The following HDAC4 variants were observed in gnomAD, a reference collection of about 807,000 sequenced individuals.
HDAC4 encodes the protein histone deacetylase 4, also known as histone deacetylase A.
HDAC4 carries 16 observed loss-of-function variants against 135.1 expected under a neutral mutation model. That is an observed-to-expected ratio of 0.12 (90% CI 0.08 to 0.18). The LOEUF (loss-of-function observed/expected upper bound fraction) is 0.18, where lower values mean the gene tolerates loss of function less well. Ranked by LOEUF, HDAC4 falls within the 10% of genes least tolerant of loss-of-function variation. The pLI is 1.00. For missense variants in HDAC4, 1,143 were observed against 1,511.8 expected (o/e 0.76, Z 4.05); for synonymous variants, 685 against 653.4 (o/e 1.05, Z -0.74).
rs1165718137 is a variant in HDAC4 at position 239,204,041 on chromosome 2, G to A, written c.95-13964C>T. On this transcript the variant is annotated intron_variant, in intron 3 of 26. Transcript: ENST00000543185. ...CTCTCTCTTCCAAGGGAAATAAAAA[G>A]CTCTTCATAGTGTAGGAGAATGAAG... Among the ~76,000 whole-genome samples the A allele has an allele frequency of 3.3e-5, 5 of 152,304 alleles. No homozygotes were observed. In the South Asian group the frequency reaches 6.2e-4, roughly 19 times the overall value.
Position 239,262,470 on chromosome 2 carries a change from C to A in HDAC4, c.23-25806G>T, listed in dbSNP as rs146234402. 1.3e-5 allele frequency among the ~76,000 whole-genome samples: 2 copies of A among 152,192 alleles called. No homozygotes were observed. The highest frequency in any genetic ancestry group is 2.9e-5 in the Non-Finnish European group (2 of 68,034). The stretch of plus-strand genomic sequence containing the variant: ...AGATAGAAATTTAATTAGAAACAGA[C>A]GAGGATCTTCTCAAATCACCCTTGC... On this transcript the variant is annotated intron_variant, in intron 2 of 26. Transcript: ENST00000543185. The surrounding 1 kb of genome is among the most constrained non-coding windows in gnomAD (Gnocchi z 4.1).
intron 17 of HDAC4, among the ~76,000 whole-genome samples, chr2:239,092,408 C>T (rs569585191): frequency 3.9e-5 from 6 of 152,282 alleles, no homozygotes; most frequent in South Asian, 2.1e-4. Flanking sequence ...TGGTTTCTCT[C>T]CAACATACAA....
rs1217981195 is a variant in HDAC4 at position 239,381,146 on chromosome 2, G to A, written c.-220+19832C>T. Reference sequence around the variant, plus strand: ...AAACCGTCTAGGAACCAAGAGTCACGGAGCTGCCTCCCGCGACCGCCTTCC... The same window carrying A: ...AAACCGTCTAGGAACCAAGAGTCACAGAGCTGCCTCCCGCGACCGCCTTCC... On this transcript the variant is annotated intron_variant, in intron 1 of 26. Coordinates refer to ENST00000543185, the MANE Select transcript of HDAC4 (RefSeq NM_001378414.1). 5.3e-5 allele frequency among the ~76,000 whole-genome samples: 8 copies of A among 152,214 alleles called. No homozygotes were observed. The East Asian group carries it at 1.3e-3, about 26-fold the overall frequency.
At chr2:239,104,561 C>G (rs2037952478) in intron 15 of HDAC4, among the ~76,000 whole-genome samples, 2 of 152,228 alleles carry the variant, frequency 1.3e-5, no homozygotes, top group African/African-American at 2.4e-5. Flanking sequence ...CTTCAGGAAG[C>G]CCACATGTGT....
At chr2:239,061,505 GTGAC>G (rs1426236737) in intron 24 of HDAC4, among the ~76,000 whole-genome samples, 1 of 152,050 alleles carries the variant, frequency 6.6e-6, no homozygotes, top group Admixed American at 6.5e-5. Flanking sequence ...GTGTGCACGT[GTGAC>G]TGGTGCTTGC....
At chr2:239,298,716 G>T in intron 2 of HDAC4, 2 of 639,208 alleles carry the variant, frequency 3.1e-6, no homozygotes, top group Non-Finnish European at 1.9e-6. Flanking sequence ...CACCTACAGG[G>T]GCTAGGCTAG....
At chr2:239,322,863 TGTGG>T (rs2053359531) in intron 2 of HDAC4, among the ~76,000 whole-genome samples, 1 of 152,116 alleles carries the variant, frequency 6.6e-6, no homozygotes, top group Admixed American at 6.5e-5. Flanking sequence ...GACAGACTCT[TGTGG>T]CCCTTCCTTC....
At position 239,349,686 on chromosome 2, in the gene HDAC4, G is replaced by A. The variant is rs146149337; in HGVS notation, c.22+2992C>T. Among the ~76,000 whole-genome samples, 10 of 152,238 alleles carry A rather than the reference G, an allele frequency of 6.6e-5. No individual in the cohort carries two copies. Among genetic ancestry groups the A allele is most frequent in the African/African-American group, 1.7e-4 (7 of 41,472 alleles). On this transcript the variant is annotated intron_variant, in intron 2 of 26. Coordinates refer to ENST00000543185, the MANE Select transcript of HDAC4 (RefSeq NM_001378414.1). This position sits in a 1 kb window ranked among gnomAD's most constrained non-coding sequence, Gnocchi z 5.7. ...AGTGTGTGCAGGTGGTGGTATGCACGTGTTGGGCACAAGGGGTCCTGCCTC... is the reference window on the plus strand; with the variant it reads ...AGTGTGTGCAGGTGGTGGTATGCACATGTTGGGCACAAGGGGTCCTGCCTC...
intron 12 of HDAC4, among the ~76,000 whole-genome samples, chr2:239,125,113 T>A (rs527711561): frequency 6.6e-6 from 1 of 152,374 alleles, no homozygotes; most frequent in South Asian, 2.1e-4. Flanking sequence ...TTACGACTGA[T>A]ACGGTTTGGA....
At chr2:239,258,978 A>G (rs111988824) in intron 2 of HDAC4, among the ~76,000 whole-genome samples, 3 of 152,278 alleles carry the variant, frequency 2.0e-5, no homozygotes, top group African/African-American at 7.2e-5. Context: ...ACAGTTGGAA[A>G]AATATGTACC....
intron 3 of HDAC4, among the ~76,000 whole-genome samples, chr2:239,195,197 G>A (rs1443967947): frequency 1.3e-5 from 2 of 152,214 alleles, no homozygotes; most frequent in African/African-American, 4.8e-5. Flanking sequence ...TGTTCACACT[G>A]CCTTGGTTTA....
chr2:239,262,787 T>A lies in HDAC4; in HGVS notation c.23-26123A>T, dbSNP rs1225799981. The stretch of plus-strand genomic sequence containing the variant: ...AGAACACAGACGAGGAGGCCTGTGC[T>A]CAGGCACTAAGGACACGGAGGGACT... On this transcript the variant is annotated intron_variant, in intron 2 of 26. Coordinates refer to ENST00000543185, the MANE Select transcript of HDAC4 (RefSeq NM_001378414.1). This position sits in a 1 kb window ranked among gnomAD's most constrained non-coding sequence, Gnocchi z 4.1. Among the ~76,000 whole-genome samples the A allele has an allele frequency of 6.6e-6, 1 of 152,116 alleles. No homozygotes were observed. The highest frequency in any genetic ancestry group is 1.5e-5 in the Non-Finnish European group (1 of 68,008).
intron 3 of HDAC4, among the ~76,000 whole-genome samples, chr2:239,217,851 G>A (rs1301329261): frequency 6.6e-6 from 1 of 152,224 alleles, no homozygotes; most frequent in East Asian, 1.9e-4. Flanking sequence ...TGCTTTGGGA[G>A]GCTAAGGCGG....
At chr2:239,376,519 G>C (rs1439372135) in intron 1 of HDAC4, among the ~76,000 whole-genome samples, 2 of 152,234 alleles carry the variant, frequency 1.3e-5, no homozygotes, top group African/African-American at 2.4e-5. Context: ...AGACTCTGTC[G>C]ACCGCCCTGG....
intron 3 of HDAC4, among the ~76,000 whole-genome samples, chr2:239,190,699 C>T (rs933307462): frequency 3.9e-5 from 6 of 152,194 alleles, no homozygotes; most frequent in Non-Finnish European, 5.9e-5. Flanking sequence ...TGGCTCTTGG[C>T]ACAAGTGCGT....
chr2:239,194,424 C>T (rs918316622), intron 3 of HDAC4, among the ~76,000 whole-genome samples: 2 of 152,324 alleles, frequency 1.3e-5, no homozygotes, highest in Non-Finnish European at 2.9e-5. Context: ...CTGAGCGCCA[C>T]GCTGCTGCCG....
intron 8 of HDAC4, among the ~76,000 whole-genome samples, chr2:239,140,294 G>A (rs1389385531): frequency 6.6e-6 from 1 of 152,190 alleles, no homozygotes; most frequent in Non-Finnish European, 1.5e-5. Flanking sequence ...AGTGTCTCCT[G>A]AGATCTATCC....
At chr2:239,215,263 A>C (rs928139773) in intron 3 of HDAC4, among the ~76,000 whole-genome samples, 7 of 152,178 alleles carry the variant, frequency 4.6e-5, no homozygotes, top group African/African-American at 1.4e-4. Flanking sequence ...TACCAGGAGC[A>C]TGTGGTGTGG....
chr2:239,097,414 G>A (rs3828197), intron 16 of HDAC4, among the ~76,000 whole-genome samples: 44,574 of 152,166 alleles, frequency 0.29, 6,746 homozygotes, highest in Non-Finnish European at 0.33. Flanking sequence ...TCACGGACCC[G>A]CCACTGCCTG....
Sources: gnomAD v4.1 joint callset for allele counts (sites outside exome capture counted in the v4.1 genomes callset) on GRCh38, gnomAD v4.1.1 for gene constraint, Gnocchi (gnomAD v3.1) non-coding constraint, MANE v1.5 for transcripts, NCBI Gene and HGNC (gene_info 2026-07-23, HGNC 2026-07-21) for gene names.